MARCHF1: variants seen among roughly 807,000 people sequenced by gnomAD.
MARCHF1 encodes the protein E3 ubiquitin-protein ligase MARCHF1.
MARCHF1 carries 40 observed loss-of-function variants against 54.2 expected under a neutral mutation model. The observed-to-expected ratio is 0.74, with a 90% CI of 0.57 to 0.96. The LOEUF is 0.96. Among genes scored for constraint, MARCHF1 ranks in the 40% least tolerant of loss-of-function variants. The pLI, the probability that MARCHF1 is intolerant of heterozygous loss-of-function variation, is 0.00. For synonymous variants in MARCHF1, 236 were observed against 236.3 expected (o/e 1.00, Z 0.01); for missense variants, 586 against 656.5 (o/e 0.89, Z 1.17).
chr4:163,962,470 A>AT (rs1023734677), intron 3 of MARCHF1, among the ~76,000 whole-genome samples: 2 of 151,780 alleles, frequency 1.3e-5, no homozygotes, highest in Non-Finnish European at 2.9e-5. Context: ...CATAGTTCTT[A>AT]TTTTTCTTAT....
chr4:164,163,317 G>C (rs1248723656), intron 1 of MARCHF1, among the ~76,000 whole-genome samples: 1 of 151,914 alleles, frequency 6.6e-6, no homozygotes, highest in Non-Finnish European at 1.5e-5. Flanking sequence ...CAGCATACAA[G>C]TAAGATACAA....
chr4:164,278,549 C>T (rs1733944016), intron 1 of MARCHF1, among the ~76,000 whole-genome samples: 1 of 152,118 alleles, frequency 6.6e-6, no homozygotes, highest in Admixed American at 6.5e-5. Flanking sequence ...CCAGAGCTGA[C>T]CTTGAAAGAT....
intron 8 of MARCHF1, among the ~76,000 whole-genome samples, chr4:163,566,547 A>G (rs1267082411): frequency 6.6e-6 from 1 of 152,192 alleles, no homozygotes; most frequent in African/African-American, 2.4e-5. Context: ...CTTTGTTCCA[A>G]CTGGCATTTA....
chr4:164,284,156 G>A, intron 1 of MARCHF1, among the ~76,000 whole-genome samples: 1 of 151,050 alleles, frequency 6.6e-6, no homozygotes. Flanking sequence ...ATCACTTAAT[G>A]GGTAGGGAGA....
Position 163,772,744 on chromosome 4 carries a change from T to C in MARCHF1, c.112-71881A>G, listed in dbSNP as rs1351002105. 9.1e-5 allele frequency among the ~76,000 whole-genome samples: 3 copies of C among 33,126 alleles called. No individual in the cohort carries two copies. In the Admixed American group the frequency reaches 1.1e-3, roughly 12 times the overall value. The allele number at this position is 33,126 out of a possible 152,430, so 21.7% of individuals were successfully genotyped here. On this transcript the variant is annotated intron_variant, in intron 4 of 9. Transcript: ENST00000514618. ...TTTAAAGGGGCTCATTTGATTAGGCTAGGGCGTTCAAATAACCCCCCTTTC... is the reference window on the plus strand; with the variant it reads ...TTTAAAGGGGCTCATTTGATTAGGCCAGGGCGTTCAAATAACCCCCCTTTC...
At chr4:163,945,293 T>C (rs970260830) in intron 3 of MARCHF1, among the ~76,000 whole-genome samples, 17 of 152,142 alleles carry the variant, frequency 1.1e-4, no homozygotes, top group African/African-American at 3.4e-4. Flanking sequence ...AACTCTCCAA[T>C]TGGAGACTAG....
chr4:163,946,747 A>C (rs753399958), intron 3 of MARCHF1, among the ~76,000 whole-genome samples: 8 of 152,232 alleles, frequency 5.3e-5, no homozygotes, highest in Non-Finnish European at 1.2e-4. Flanking sequence ...GATTGTGGCC[A>C]TGGTTTTAAA....
intron 2 of MARCHF1, among the ~76,000 whole-genome samples, chr4:164,037,051 ACAT>A (rs1316022829): frequency 6.6e-6 from 1 of 152,202 alleles, no homozygotes. Context: ...AAAGAGCAAA[ACAT>A]CATTCTAAGA....
chr4:163,844,299 G>GT (rs1210271033), intron 4 of MARCHF1, among the ~76,000 whole-genome samples: 1 of 152,060 alleles, frequency 6.6e-6, no homozygotes, highest in Non-Finnish European at 1.5e-5. Flanking sequence ...TGTGAATTAA[G>GT]TTTTTTATAG....
chr4:163,561,073 C>G (rs2110975880), intron 8 of MARCHF1, among the ~76,000 whole-genome samples: 1 of 151,982 alleles, frequency 6.6e-6, no homozygotes, highest in African/African-American at 2.4e-5. Context: ...AGTTTTCTTT[C>G]TAAATAAAAA....
intron 2 of MARCHF1, among the ~76,000 whole-genome samples, chr4:164,105,403 G>C (rs1755669370): frequency 1.3e-5 from 2 of 150,850 alleles, no homozygotes; most frequent in Non-Finnish European, 3.0e-5. Context: ...CATGGTACTG[G>C]TACCAAAACA....
At chr4:164,120,547 C>T (rs1034388338) in intron 1 of MARCHF1, among the ~76,000 whole-genome samples, 1 of 152,092 alleles carries the variant, frequency 6.6e-6, no homozygotes, top group Non-Finnish European at 1.5e-5. Context: ...TTTTCCTCAG[C>T]ACGTGGATCA....
intron 1 of MARCHF1, among the ~76,000 whole-genome samples, chr4:164,365,236 A>G (rs1317149130): frequency 6.6e-6 from 1 of 152,040 alleles, no homozygotes; most frequent in African/African-American, 2.4e-5. Context: ...GGACTCACAT[A>G]AAAAGTGAAT....
At chr4:163,724,534 G>C (rs1745590253) in intron 4 of MARCHF1, among the ~76,000 whole-genome samples, 1 of 152,186 alleles carries the variant, frequency 6.6e-6, no homozygotes, top group African/African-American at 2.4e-5. Flanking sequence ...TCTCTTCAAA[G>C]CTGTCAGACA....
chr4:163,774,609 C>T (rs1481777447), intron 4 of MARCHF1, among the ~76,000 whole-genome samples: 1 of 150,852 alleles, frequency 6.6e-6, no homozygotes, highest in African/African-American at 2.4e-5. Context: ...GCTATTCTGC[C>T]TCAGCCTCCC....
chr4:164,142,756 G>C (rs1479598885), intron 1 of MARCHF1, among the ~76,000 whole-genome samples: 1 of 152,178 alleles, frequency 6.6e-6, no homozygotes, highest in Non-Finnish European at 1.5e-5. Context: ...ACTCTAAAAA[G>C]GAGAGCAACT....
chr4:163,886,890 C>A (rs1750550486), intron 3 of MARCHF1, among the ~76,000 whole-genome samples: 1 of 152,120 alleles, frequency 6.6e-6, no homozygotes, highest in Non-Finnish European at 1.5e-5. Context: ...GTTCCCTAAG[C>A]TTTTGTCCTT....
intron 4 of MARCHF1, among the ~76,000 whole-genome samples, chr4:163,804,999 T>G (rs1314715823): frequency 1.3e-5 from 2 of 152,114 alleles, no homozygotes; most frequent in African/African-American, 4.8e-5. Context: ...AAATAGTTTA[T>G]TTTTTTCATC....
At chr4:163,625,744 T>C (rs76498415) in intron 5 of MARCHF1, among the ~76,000 whole-genome samples, 1,651 of 152,364 alleles carry the variant, frequency 0.011, 31 homozygotes, top group African/African-American at 0.037. Context: ...GGAAGTTGTA[T>C]CTTCTGCTTT....
Sources: allele counts gnomAD v4.1 joint callset (sites outside exome capture counted in the v4.1 genomes callset), GRCh38; gene constraint gnomAD v4.1.1; transcripts MANE v1.5; gene names NCBI Gene and HGNC (gene_info 2026-07-23, HGNC 2026-07-21).